FLOT1: variants seen among roughly 807,000 people sequenced by gnomAD.
FLOT1 encodes flotillin-1.
FLOT1 carries 40 observed loss-of-function variants against 58.4 expected under a neutral mutation model. The observed-to-expected ratio is 0.69, with a 90% CI of 0.53 to 0.89. FLOT1 has a LOEUF of 0.89. Among genes scored for constraint, FLOT1 ranks in the 40% least tolerant of loss-of-function variants. The pLI is 0.00. For missense variants in FLOT1, 423 were observed against 540.8 expected (o/e 0.78, Z 2.16); for synonymous variants, 178 against 204.2 (o/e 0.87, Z 1.09).
Position 30,742,448 on chromosome 6 carries a change from C to T in FLOT1, c.-15+79G>A, listed in dbSNP as rs1002288271. ...CGCTCCCTTTGATAAAGGTCCCCCG[C>T]GCCCAGAGGCCTGCAGACCTTTCCC... On this transcript the variant is annotated intron_variant, in intron 1 of 12. Transcript: ENST00000376389. The surrounding 1 kb of genome is among the most constrained non-coding windows in gnomAD (Gnocchi z 5.2). 5.2e-6 allele frequency: 3 copies of T among 573,720 alleles called. No homozygotes were observed. The highest frequency in any genetic ancestry group is 9.3e-6 in the Non-Finnish European group (3 of 321,172). The allele number at this position is 573,720 out of a possible 1,614,324, so 35.5% of individuals were successfully genotyped here. A position where few individuals can be genotyped will look rare whatever the true frequency, so the allele number is the denominator to read the frequency against.
Position 30,730,977 on chromosome 6 carries a change from C to T in FLOT1, c.847G>A (p.Val283Met), listed in dbSNP as rs1273655889. The T allele has an allele frequency of 1.5e-5, 24 of 1,613,854 alleles. No individual in the cohort carries two copies. The highest frequency in any genetic ancestry group is 1.8e-5 in the Non-Finnish European group (21 of 1,179,984). Residue 283 changes from valine to methionine, a missense_variant, in exon 9 of 13, where the codon GTG (valine) becomes ATG (methionine). By Grantham distance (21) the Val-to-Met change is conservative. Coordinates refer to ENST00000376389, the MANE Select transcript of FLOT1 (RefSeq NM_005803.4). ...ARREKELEAR[V>M]RKPAEAERYK... The stretch of plus-strand genomic sequence containing the variant: ...CGCTCCGCTTCCGCTGGCTTCCGCA[C>T]CCGGGCCTCCAGCTCCTTCTCCCGC...
rs1410975139 is a variant in FLOT1, at chr6:30,737,001, C to T, written c.723+3157G>A. The stretch of plus-strand genomic sequence containing the variant: ...CTTGAAGTTCTCCAATAGCTTTCCA[C>T]TGTGCTTTCAGTTCTCTTCTGTGTC... On this transcript the variant is annotated intron_variant, in intron 8 of 12. Coordinates refer to ENST00000376389, the MANE Select transcript of FLOT1 (RefSeq NM_005803.4). This position sits in a 1 kb window ranked among gnomAD's most constrained non-coding sequence, Gnocchi z 4.4. 1.3e-5 allele frequency among the ~76,000 whole-genome samples: 2 copies of T among 152,076 alleles called. No individual in the cohort carries two copies. Among genetic ancestry groups the T allele is most frequent in the Non-Finnish European group, 2.9e-5 (2 of 68,022 alleles).
In FLOT1 at chr6:30,740,286, C is replaced by T; in HGVS notation, c.595G>A (p.Val199Met). The T allele has an allele frequency of 6.2e-7, 1 of 1,613,046 alleles. No individual in the cohort carries two copies. Among genetic ancestry groups the T allele is most frequent in the African/African-American group, 1.3e-5 (1 of 75,044 alleles). ...ATCTCACTCAGGTACTGAGCAGACA[C>T]CTTTTCCTGCTTGGCTTTAGCTTCC... ...IREAKAKQEK[V>M]SAQYLSEIEM... is the part of the protein sequence containing the mutation. The change falls in exon 8 of 13, where the codon GTG becomes ATG. Residue 199 changes from valine to methionine, a missense_variant. By Grantham distance (21) the Val-to-Met change is conservative. Around this residue, in one of 6 missense-constraint regions of FLOT1, gnomAD observed 137 missense variants for 194.6 expected, o/e 0.70. Transcript: ENST00000376389.
Position 30,740,611 on chromosome 6 carries a change from A to ATT in FLOT1, c.475-22_475-21dup. 1 of 1,613,022 alleles carries ATT rather than the reference A, an allele frequency of 6.2e-7. No homozygotes were observed. The highest frequency in any genetic ancestry group is 8.5e-7 in the Non-Finnish European group (1 of 1,180,018). ...ATAGTCCTGTGGGAGAGATGTAGAA[A>ATT]TTAGTCCTTTGGAGGGCTTAAGAGA... On this transcript the variant is annotated intron_variant, in intron 6 of 12. Transcript: ENST00000376389.
chr6:30,731,835 C>A (rs1429226623), intron 8 of FLOT1, among the ~76,000 whole-genome samples: 1 of 152,138 alleles, frequency 6.6e-6, no homozygotes, highest in African/African-American at 2.4e-5. Context: ...CACGAGGCTT[C>A]TTCCTCATTC....
At chr6:30,735,873 C>T (rs1777530607) in intron 8 of FLOT1, among the ~76,000 whole-genome samples, 1 of 152,084 alleles carries the variant, frequency 6.6e-6, no homozygotes, top group Non-Finnish European at 1.5e-5. Context: ...CTGTGTCATA[C>T]CTGCTTAGTC....
At chr6:30,735,448 TAAAA>T (rs540194352) in intron 8 of FLOT1, among the ~76,000 whole-genome samples, 1 of 126,362 alleles carries the variant, frequency 7.9e-6, no homozygotes, top group Non-Finnish European at 1.7e-5. Context: ...CCCTCTCTAC[TAAAA>T]AAAAAAAAAA....
In FLOT1 at chr6:30,740,244, G is replaced by A; in HGVS notation, c.637C>T (p.Gln213Ter). ...YLSEIEMAKA[Q>*]RDYELKKAAY... Reference sequence around the variant, plus strand: ...GCCTTCTTCAGTTCGTAATCTCTCTGTGCCTTGGCCATCTCGATCTCACTC... The same window carrying A: ...GCCTTCTTCAGTTCGTAATCTCTCTATGCCTTGGCCATCTCGATCTCACTC... Residue 213 changes from glutamine (Q) to a stop codon, truncating the protein, a stop_gained, in exon 8 of 13, where the codon CAG becomes TAG. Transcript: ENST00000376389. LOFTEE classifies it high-confidence loss of function. 1 of 1,612,980 alleles carries A rather than the reference G, an allele frequency of 6.2e-7. No homozygotes were observed.
In FLOT1 at chr6:30,741,679, T is replaced by C. The variant is rs1275280368; in HGVS notation, c.145A>G (p.Asn49Asp). The change falls in exon 4 of 13, where the codon AAT becomes GAT. Residue 49 changes from asparagine to aspartate, a missense_variant. By Grantham distance (23) the Asn-to-Asp change is conservative. This residue lies in a region of FLOT1 where 91 missense variants were observed against 118.3 expected (regional missense o/e 0.77). Coordinates refer to ENST00000376389, the MANE Select transcript of FLOT1 (RefSeq NM_005803.4). This position sits in a 1 kb window ranked among gnomAD's most constrained non-coding sequence, Gnocchi z 5.9. ...GTGTAAACCTTTTCACTCTTGACAT[T>C]GAGGGTCAGTGTGTTGAGAGAGATC... ...QRISLNTLTL[N>D]VKSEKVYTRH... 3 of 1,612,696 alleles carry C rather than the reference T, an allele frequency of 1.9e-6. No individual in the cohort carries two copies. Among genetic ancestry groups the C allele is most frequent in the African/African-American group, 1.3e-5 (1 of 74,894 alleles).
chr6:30,736,540 G>A (rs1468666626), intron 8 of FLOT1: 3 of 148,668 alleles, frequency 2.0e-5, no homozygotes, highest in African/African-American at 7.4e-5. Context: ...TTAGGAGAGA[G>A]TAAAATTAGC....
rs117290294 is a variant in FLOT1 at position 30,741,767 on chromosome 6, C to T, written c.119+25G>A. ...GGAAAAAGAGAAAACGGAGGTCCCC[C>T]TTCCCTGGTTCCCTTCTTGCCTACC... is the stretch of plus-strand genomic sequence containing the variant. On this transcript the variant is annotated intron_variant, in intron 3 of 12. Transcript: ENST00000376389. The surrounding 1 kb of genome is among the most constrained non-coding windows in gnomAD (Gnocchi z 5.9). 1,954 of 1,612,188 alleles carry T rather than the reference C, an allele frequency of 1.2e-3. 77 individuals carry two copies. The East Asian group carries it at 0.042, about 35-fold the overall frequency.
chr6:30,727,747 A>G lies in FLOT1; in HGVS notation c.*369T>C. ...GCTTCTGTTTTATTAGTACTTACTT[A>G]CAGCAATTTATTTGGGTAGCAAAGT... On this transcript the variant is annotated 3_prime_UTR_variant, in exon 13 of 13. Transcript: ENST00000376389. 1 of 368,268 alleles carries G rather than the reference A, an allele frequency of 2.7e-6. No individual in the cohort carries two copies. Among genetic ancestry groups the G allele is most frequent in the South Asian group, 3.8e-5 (1 of 26,664 alleles). The allele number at this position is 368,268 out of a possible 1,614,324, so 22.8% of individuals were successfully genotyped here.
At position 30,742,423 on chromosome 6, in the gene FLOT1, C is replaced by T; in HGVS notation, c.-15+104G>A. ...CGTATGGTCCCTCCCTTCCCCTCGC[C>T]GCTCCCTTTGATAAAGGTCCCCCGC... On this transcript the variant is annotated intron_variant, in intron 1 of 12. Transcript: ENST00000376389. The surrounding 1 kb of genome is among the most constrained non-coding windows in gnomAD (Gnocchi z 5.2). 5.1e-6 allele frequency: 3 copies of T among 590,338 alleles called. No homozygotes were observed. The highest frequency in any genetic ancestry group is 6.1e-6 in the Non-Finnish European group (2 of 329,288). The allele number at this position is 590,338 out of a possible 1,614,324, so 36.6% of individuals were successfully genotyped here.
At chr6:30,740,127 G>A (rs1050056969) in intron 8 of FLOT1, 31 bp downstream of exon 8, 2 of 1,608,706 alleles carry the variant, frequency 1.2e-6, no homozygotes, top group Non-Finnish European at 1.7e-6. Context: ...AATGGGGAAG[G>A]GGCAGAGAGT....
rs779744796 is a variant in FLOT1, at chr6:30,730,075, G to C, written c.1201C>G (p.Leu401Val). The change falls in exon 12 of 13, where the codon CTA (leucine) becomes GTA (valine). Residue 401 changes from leucine (L) to valine (V), a missense_variant. This residue lies in a region of FLOT1 where 44 missense variants were observed against 40.3 expected (regional missense o/e 1.09). Transcript: ENST00000376389. ...AKVTGEVLDI[L>V]TRLPESVERL... is the part of the protein sequence containing the mutation. ...TCCACACTCTCTGGCAGGCGAGTTA[G>C]AATGTCCAGTACTTCCCCAGTCACT... is the stretch of plus-strand genomic sequence containing the variant. 3 of 1,612,916 alleles carry C rather than the reference G, an allele frequency of 1.9e-6. No individual in the cohort carries two copies. Among genetic ancestry groups the C allele is most frequent in the African/African-American group, 2.7e-5 (2 of 74,918 alleles).
intron 8 of FLOT1, among the ~76,000 whole-genome samples, chr6:30,733,570 G>A (rs759414612): frequency 6.7e-6 from 1 of 149,020 alleles, no homozygotes; most frequent in Non-Finnish European, 1.5e-5. Flanking sequence ...GTGAAACCCC[G>A]TCTCTACTAA....
chr6:30,730,577 G>A lies in FLOT1; in HGVS notation c.952-12C>T. 3 of 1,613,266 alleles carry A rather than the reference G, an allele frequency of 1.9e-6. No individual in the cohort carries two copies. Among genetic ancestry groups the A allele is most frequent in the Non-Finnish European group, 2.5e-6 (3 of 1,179,342 alleles). The stretch of plus-strand genomic sequence containing the variant: ...GCTTCCCCACGCATCTGAGGGTTAA[G>A]GATGCTTGTGAGATTGACGGAAATC... On this transcript the variant is annotated splice_polypyrimidine_tract_variant and intron_variant, in intron 10 of 12. Transcript: ENST00000376389.
intron 8 of FLOT1, among the ~76,000 whole-genome samples, chr6:30,735,330 T>C (rs1339240096): frequency 1.3e-5 from 2 of 151,724 alleles, no homozygotes; most frequent in Non-Finnish European, 2.9e-5. Flanking sequence ...AGACTTCCAA[T>C]GGCAGGTATG....
chr6:30,740,874 C>G, intron 5 of FLOT1, 76 bp from the exon 6 acceptor site: 1 of 1,517,010 alleles, frequency 6.6e-7, no homozygotes, highest in Non-Finnish European at 8.8e-7. Context: ...GCAACCTCTG[C>G]CTCCTGGGTT....
Sources: allele counts gnomAD v4.1 joint callset (sites outside exome capture counted in the v4.1 genomes callset), GRCh38; gene constraint gnomAD v4.1.1; regional missense constraint gnomAD v4.1.1; non-coding constraint Gnocchi (gnomAD v3.1); transcripts MANE v1.5; gene names NCBI Gene and HGNC (gene_info 2026-07-23, HGNC 2026-07-21).